Variants in SLC4A10 observed in about 807,000 individuals in gnomAD.
SLC4A10 encodes the protein solute carrier family 4 member 10, also known as sodium-driven chloride bicarbonate exchanger.
In SLC4A10, 42 loss-of-function variants were observed where a neutral mutation model predicts 137.7. That is an observed-to-expected ratio of 0.30 (90% CI 0.24 to 0.39). The LOEUF is 0.39. Ranked by LOEUF, SLC4A10 falls within the 10% of genes least tolerant of loss-of-function variation. The pLI is 1.00. For missense variants in SLC4A10, 925 were observed against 1,355.0 expected (o/e 0.68, Z 4.98); for synonymous variants, 474 against 464.1 (o/e 1.02, Z -0.27).
At chr2:161,798,404 G>T (rs1363779992) in intron 2 of SLC4A10, among the ~76,000 whole-genome samples, 2 of 151,724 alleles carry the variant, frequency 1.3e-5, no homozygotes, top group Non-Finnish European at 1.5e-5. Flanking sequence ...GCTAAATAAA[G>T]AATAGTTTAT....
intron 15 of SLC4A10, among the ~76,000 whole-genome samples, chr2:161,919,689 T>C (rs1687776669): frequency 6.6e-6 from 1 of 152,186 alleles, no homozygotes; most frequent in Non-Finnish European, 1.5e-5. Flanking sequence ...GTTGTCTGCA[T>C]ATCCCATTCT....
At chr2:161,720,869 C>T (rs77558547) in intron 1 of SLC4A10, among the ~76,000 whole-genome samples, 11,300 of 150,200 alleles carry the variant, frequency 0.075, 532 homozygotes, top group East Asian at 0.14. Flanking sequence ...CTTGCTCTGT[C>T]ACCCAGGCTG....
At chr2:161,881,552 T>C (rs2061782585) in intron 9 of SLC4A10, among the ~76,000 whole-genome samples, 3 of 152,072 alleles carry the variant, frequency 2.0e-5, no homozygotes, top group African/African-American at 7.2e-5. Context: ...GTCATTAGTC[T>C]TCATACTTAA....
At chr2:161,894,920 A>T (rs2063294023) in intron 11 of SLC4A10, 95 bp downstream of exon 11, 7 of 701,534 alleles carry the variant, frequency 1.0e-5, no homozygotes, top group African/African-American at 2.0e-5. Flanking sequence ...TATTTATTTT[A>T]TTATTATTAT....
chr2:161,684,480 A>T (rs1348094170), intron 1 of SLC4A10, among the ~76,000 whole-genome samples: 1 of 152,224 alleles, frequency 6.6e-6, no homozygotes, highest in Non-Finnish European at 1.5e-5. Context: ...AAACAAGGAC[A>T]TTCTTTTGCA....
Position 161,761,412 on chromosome 2 carries a change from G to A in SLC4A10, c.49-9561G>A, listed in dbSNP as rs545241117. Among the ~76,000 whole-genome samples, 20 of 152,038 alleles carry A rather than the reference G, an allele frequency of 1.3e-4. No individual in the cohort carries two copies. In the South Asian group the frequency reaches 3.9e-3, roughly 30 times the overall value. ...TTATGAGCAAATTAACATGAAGAGA[G>A]TAAACATGGCATGGACAGGAATATC... On this transcript the variant is annotated intron_variant, in intron 1 of 26. Transcript: ENST00000446997.
chr2:161,807,815 C>T (rs753931208), intron 3 of SLC4A10, among the ~76,000 whole-genome samples: 3 of 150,284 alleles, frequency 2.0e-5, no homozygotes, highest in African/African-American at 5.0e-5. Context: ...TGTAAATAAT[C>T]GAATTAAACT....
At chr2:161,659,853 G>A (rs56039028) in intron 1 of SLC4A10, among the ~76,000 whole-genome samples, 11,476 of 152,058 alleles carry the variant, frequency 0.075, 547 homozygotes, top group East Asian at 0.14. Flanking sequence ...TATATGCTAC[G>A]ATATGAATGA....
intron 1 of SLC4A10, among the ~76,000 whole-genome samples, chr2:161,737,357 G>A (rs1307619300): frequency 6.6e-6 from 1 of 151,750 alleles, no homozygotes; most frequent in African/African-American, 2.4e-5. Flanking sequence ...TCTATGTCTG[G>A]ACTCAGCATA....
intron 5 of SLC4A10, 105 bp from the exon 6 acceptor site, chr2:161,862,769 T>G: frequency 1.3e-6 from 1 of 794,904 alleles, no homozygotes. Context: ...TATTTCAAGA[T>G]GAATAATATT....
chr2:161,812,066 G>C (rs1310058691), intron 3 of SLC4A10, among the ~76,000 whole-genome samples: 1 of 151,756 alleles, frequency 6.6e-6, no homozygotes, highest in Admixed American at 6.6e-5. Context: ...TCAATATCTG[G>C]CTTCAGTAAC....
At chr2:161,815,133 C>T (rs2056921120) in intron 3 of SLC4A10, among the ~76,000 whole-genome samples, 1 of 152,078 alleles carries the variant, frequency 6.6e-6, no homozygotes, top group Non-Finnish European at 1.5e-5. Context: ...CCTCTTGAGT[C>T]AGGACCTGTA....
intron 2 of SLC4A10, among the ~76,000 whole-genome samples, chr2:161,782,608 G>A (rs1156688231): frequency 1.3e-5 from 2 of 151,204 alleles, no homozygotes; most frequent in African/African-American, 4.9e-5. Context: ...AGAGAACGTT[G>A]CATGAACAAA....
chr2:161,790,089 T>C (rs1405506463), intron 2 of SLC4A10, among the ~76,000 whole-genome samples: 3 of 152,198 alleles, frequency 2.0e-5, no homozygotes, highest in Non-Finnish European at 4.4e-5. Flanking sequence ...AAGGAAGACT[T>C]GTACATATTT....
At chr2:161,856,715 A>T (rs2060127525) in intron 5 of SLC4A10, among the ~76,000 whole-genome samples, 1 of 152,142 alleles carries the variant, frequency 6.6e-6, no homozygotes, top group African/African-American at 2.4e-5. Context: ...TAGGAATGAA[A>T]CAGCAGGCTT....
chr2:161,677,827 C>A (rs1031320797), intron 1 of SLC4A10, among the ~76,000 whole-genome samples: 1 of 152,158 alleles, frequency 6.6e-6, no homozygotes, highest in African/African-American at 2.4e-5. Flanking sequence ...CAGAAATGAA[C>A]GTGGACAGTT....
chr2:161,742,833 T>C (rs2048052801), intron 1 of SLC4A10, among the ~76,000 whole-genome samples: 1 of 152,210 alleles, frequency 6.6e-6, no homozygotes, highest in Non-Finnish European at 1.5e-5. Context: ...TATCTCATCA[T>C]ACTTTTGGTT....
intron 1 of SLC4A10, among the ~76,000 whole-genome samples, chr2:161,709,583 G>A (rs961680931): frequency 3.3e-5 from 5 of 151,494 alleles, no homozygotes; most frequent in Non-Finnish European, 5.9e-5. Flanking sequence ...AAGATTTTTT[G>A]ACCCAGAGAG....
chr2:161,982,217 C>G (rs1233844859), intron 26 of SLC4A10, among the ~76,000 whole-genome samples: 1 of 152,108 alleles, frequency 6.6e-6, no homozygotes, highest in Non-Finnish European at 1.5e-5. Context: ...TATGGGCTGC[C>G]CTTTGTGTCA....
Sources: gnomAD v4.1 joint callset for allele counts (sites outside exome capture counted in the v4.1 genomes callset) on GRCh38, gnomAD v4.1.1 for gene constraint, MANE v1.5 for transcripts, NCBI Gene and HGNC (gene_info 2026-07-23, HGNC 2026-07-21) for gene names.